Variants in CDK8 observed in about 807,000 individuals in gnomAD.
CDK8 encodes cyclin-dependent kinase 8.
CDK8 carries 29 observed loss-of-function variants against 71.5 expected under a neutral mutation model. The observed-to-expected ratio is 0.41, with a 90% confidence interval of 0.30 to 0.55. CDK8 has a LOEUF of 0.55. Among genes scored for constraint, CDK8 ranks in the 20% least tolerant of loss-of-function variants. CDK8 has a pLI of 0.37. For missense variants in CDK8, 288 were observed against 572.6 expected (o/e 0.50, Z 5.07); for synonymous variants, 161 against 192.1 (o/e 0.84, Z 1.34).
intron 1 of CDK8, among the ~76,000 whole-genome samples, chr13:26,277,085 A>G (rs977853041): frequency 2.0e-5 from 3 of 152,202 alleles, no homozygotes; most frequent in Middle Eastern, 3.2e-3. Flanking sequence ...CACACAAACA[A>G]TGCAGCTCTG....
intron 1 of CDK8, among the ~76,000 whole-genome samples, chr13:26,282,060 T>G (rs953239102): frequency 1.3e-5 from 2 of 151,504 alleles, no homozygotes; most frequent in Non-Finnish European, 2.9e-5. Flanking sequence ...TCCACAAAGT[T>G]TGGGATTATG....
intron 1 of CDK8, among the ~76,000 whole-genome samples, chr13:26,286,691 A>G (rs1873037124): frequency 1.3e-5 from 2 of 152,226 alleles, no homozygotes; most frequent in South Asian, 4.1e-4. Flanking sequence ...CTGCACAGTA[A>G]AAGAAATAAT....
intron 1 of CDK8, among the ~76,000 whole-genome samples, chr13:26,282,380 C>T (rs535709798): frequency 2.6e-5 from 4 of 152,122 alleles, no homozygotes; most frequent in African/African-American, 4.8e-5. Context: ...TCAGCAGAAC[C>T]CCTACAAGCC....
chr13:26,290,802 A>C (rs989458201), intron 1 of CDK8, among the ~76,000 whole-genome samples: 1 of 152,038 alleles, frequency 6.6e-6, no homozygotes, highest in African/African-American at 2.4e-5. Context: ...TGGTTTGCAA[A>C]AAACAAACAA....
intron 1 of CDK8, among the ~76,000 whole-genome samples, chr13:26,258,058 T>C (rs1871607066): frequency 6.6e-6 from 1 of 152,204 alleles, no homozygotes; most frequent in African/African-American, 2.4e-5. Context: ...CAAAGCACTT[T>C]ACATTCATCA....
intron 4 of CDK8, among the ~76,000 whole-genome samples, chr13:26,363,431 G>A (rs1874243221): frequency 6.6e-6 from 1 of 151,602 alleles, no homozygotes; most frequent in East Asian, 1.9e-4. Context: ...TAATGTCATA[G>A]TAAAACTTTC....
chr13:26,306,553 T>C (rs986481004), intron 1 of CDK8, among the ~76,000 whole-genome samples: 14 of 151,830 alleles, frequency 9.2e-5, no homozygotes, highest in Non-Finnish European at 1.6e-4. Flanking sequence ...GAAAAGAGAA[T>C]CTGTTCAGAT....
intron 1 of CDK8, among the ~76,000 whole-genome samples, chr13:26,330,753 C>A (rs1479482270): frequency 6.6e-6 from 1 of 152,108 alleles, no homozygotes; most frequent in Non-Finnish European, 1.5e-5. Context: ...CATGTTGCTG[C>A]AAATGACATG....
intron 6 of CDK8, among the ~76,000 whole-genome samples, chr13:26,388,520 A>G (rs982377044): frequency 2.6e-5 from 4 of 152,230 alleles, no homozygotes; most frequent in Non-Finnish European, 4.4e-5. Context: ...TTAACAAACT[A>G]TACAAATAAG....
chr13:26,303,749 G>T (rs190785268), intron 1 of CDK8, among the ~76,000 whole-genome samples: 97 of 152,184 alleles, frequency 6.4e-4, no homozygotes, highest in African/African-American at 2.3e-3. Flanking sequence ...TAAATGTTTT[G>T]TGTGTTTAAA....
intron 1 of CDK8, among the ~76,000 whole-genome samples, chr13:26,266,429 C>G (rs776506213): frequency 2.0e-5 from 3 of 152,032 alleles, no homozygotes. Context: ...GGAGAAAACC[C>G]AAGGTTGCCA....
rs978997909 is a variant in CDK8, at chr13:26,401,234, A to G, written c.1032-35A>G. 4.7e-6 allele frequency: 7 copies of G among 1,481,608 alleles called. No homozygotes were observed. In the African/African-American group the frequency reaches 9.7e-5, roughly 21 times the overall value. The allele number at this position is 1,481,608 out of a possible 1,614,324, so 91.8% of individuals were successfully genotyped here. A position where few individuals can be genotyped will look rare whatever the true frequency, so the allele number is the denominator to read the frequency against. On this transcript the variant is annotated intron_variant, in intron 10 of 12. Transcript: ENST00000381527. The surrounding 1 kb of genome is among the most constrained non-coding windows in gnomAD (Gnocchi z 4.5). ...TGAAGCATTTGGAATATTGATTAGT[A>G]TACCAGAAATGGTTTTTCTTTTTCT...
At chr13:26,356,397 A>G (rs796471235) in intron 4 of CDK8, among the ~76,000 whole-genome samples, 10 of 152,202 alleles carry the variant, frequency 6.6e-5, no homozygotes, top group African/African-American at 2.4e-4. Context: ...TTTGATTTCC[A>G]TATTTGAGTG....
At chr13:26,371,238 C>CT (rs906855439) in intron 4 of CDK8, among the ~76,000 whole-genome samples, 1 of 152,084 alleles carries the variant, frequency 6.6e-6, no homozygotes, top group Non-Finnish European at 1.5e-5. Context: ...TTGCTAAAGC[C>CT]TTTCATATAA....
At chr13:26,358,507 TAA>T (rs1045706940) in intron 4 of CDK8, among the ~76,000 whole-genome samples, 21 of 152,140 alleles carry the variant, frequency 1.4e-4, no homozygotes, top group African/African-American at 5.1e-4. Flanking sequence ...TGAAAACAAG[TAA>T]AGATACATTT....
chr13:26,265,981 T>C (rs1872001556), intron 1 of CDK8, among the ~76,000 whole-genome samples: 1 of 152,006 alleles, frequency 6.6e-6, no homozygotes, highest in Non-Finnish European at 1.5e-5. Context: ...GCTAGTGACT[T>C]GAATTAGGGA....
intron 2 of CDK8, among the ~76,000 whole-genome samples, chr13:26,346,700 G>A (rs1873474541): frequency 6.6e-6 from 1 of 152,024 alleles, no homozygotes; most frequent in Non-Finnish European, 1.5e-5. Flanking sequence ...TCTGAGGATT[G>A]GTATATAATT....
At chr13:26,326,328 TACAG>T (rs1875016504) in intron 1 of CDK8, among the ~76,000 whole-genome samples, 1 of 152,164 alleles carries the variant, frequency 6.6e-6, no homozygotes, top group Non-Finnish European at 1.5e-5. Context: ...AATAGACTCA[TACAG>T]ACAGTGACTA....
intron 4 of CDK8, among the ~76,000 whole-genome samples, chr13:26,354,423 G>C (rs947572764): frequency 6.6e-6 from 1 of 152,136 alleles, no homozygotes; most frequent in African/African-American, 2.4e-5. Flanking sequence ...TTAAGAAACT[G>C]ACTTTTTAAT....
Sources: gnomAD v4.1 joint callset for allele counts (sites outside exome capture counted in the v4.1 genomes callset) on GRCh38, gnomAD v4.1.1 for gene constraint, Gnocchi (gnomAD v3.1) non-coding constraint, MANE v1.5 for transcripts, NCBI Gene and HGNC (gene_info 2026-07-23, HGNC 2026-07-21) for gene names.